Variants in MICAL2 observed in about 807,000 individuals in gnomAD.
The protein encoded by MICAL2 is microtubule associated monooxygenase, calponin and LIM domain containing 2, also known as [F-actin]-monooxygenase MICAL2.
In MICAL2, 77 loss-of-function variants were observed where a neutral mutation model predicts 127.3. The observed-to-expected ratio is 0.60, with a 90% CI of 0.50 to 0.73. MICAL2 has a LOEUF of 0.73. MICAL2 is among the 30% of genes least tolerant of loss of function. MICAL2 has a pLI of 0.00. For synonymous variants in MICAL2, 570 were observed against 551.1 expected (o/e 1.03, Z -0.48); for missense variants, 1,351 against 1,434.4 (o/e 0.94, Z 0.94).
chr11:12,331,165 T>G (rs1864423848), intron 32 of MICAL2, among the ~76,000 whole-genome samples: 1 of 152,148 alleles, frequency 6.6e-6, no homozygotes, highest in African/African-American at 2.4e-5. Context: ...TGTTACATAC[T>G]AGGGGCATGG....
chr11:12,239,656 A>G, intron 17 of MICAL2, 71 bp downstream of exon 17: 1 of 1,554,918 alleles, frequency 6.4e-7, no homozygotes, highest in Non-Finnish European at 8.7e-7. Context: ...CTGGCTGCTG[A>G]TAGACTTCAG....
intron 1 of MICAL2, among the ~76,000 whole-genome samples, chr11:12,129,636 C>CTTTTTTTTTTTTTTTTTTTTTTT (rs559528778): frequency 1.0e-5 from 1 of 97,464 alleles, no homozygotes. Context: ...TCTTCTTCTT[C>CTTTTTTTTTTTTTTTTTTTTTTT]TTTTTTTTTT....
At chr11:12,305,485 T>C (rs989084469) in intron 29 of MICAL2, among the ~76,000 whole-genome samples, 1 of 134,516 alleles carries the variant, frequency 7.4e-6, no homozygotes, top group Non-Finnish European at 1.6e-5. Flanking sequence ...AACCATATCA[T>C]TGTATTTACT....
intron 22 of MICAL2, among the ~76,000 whole-genome samples, chr11:12,249,665 T>A (rs1229782595): frequency 6.6e-6 from 1 of 152,182 alleles, no homozygotes; most frequent in Non-Finnish European, 1.5e-5. Context: ...AGCCCTCTCT[T>A]CTGAGGCCCT....
chr11:12,246,552 A>G (rs191220012), intron 21 of MICAL2, among the ~76,000 whole-genome samples: 1 of 152,350 alleles, frequency 6.6e-6, no homozygotes, highest in East Asian at 1.9e-4. Context: ...TTCTCCACCA[A>G]TGTCACTCCA....
At position 12,223,266 on chromosome 11, in the gene MICAL2, C is replaced by T. The variant is rs2134292470; in HGVS notation, c.1450-145C>T. On this transcript the variant is annotated intron_variant, in intron 11 of 27. Transcript: ENST00000683283. ...CCCATTGCTCTATGACTGAAGTTGC[C>T]TGCGTTCCCTTGCCGAAGGTCATGC... 3 of 652,936 alleles carry T rather than the reference C, an allele frequency of 4.6e-6. No homozygotes were observed. In the South Asian group the frequency reaches 5.7e-5, roughly 12 times the overall value. 40.4% of individuals were successfully genotyped at this position (652,936 alleles called of 1,614,324 possible). A position where few individuals can be genotyped will look rare whatever the true frequency, so the allele number is the denominator to read the frequency against.
At chr11:12,230,322 A>T (rs1858069427) in intron 15 of MICAL2, among the ~76,000 whole-genome samples, 1 of 152,166 alleles carries the variant, frequency 6.6e-6, no homozygotes, top group Non-Finnish European at 1.5e-5. Context: ...TGAAATCCAT[A>T]CACAATTACA....
At chr11:12,251,356 G>A (rs544553548) in intron 22 of MICAL2, among the ~76,000 whole-genome samples, 1 of 152,132 alleles carries the variant, frequency 6.6e-6, no homozygotes, top group South Asian at 2.1e-4. Flanking sequence ...GATAACCCTT[G>A]ATGCCCAGGG....
intron 26 of MICAL2, 70 bp from the exon 27 acceptor site, chr11:12,262,410 C>T: frequency 6.2e-7 from 1 of 1,605,236 alleles, no homozygotes. Context: ...TAATCATTTC[C>T]TTTTTTCCCC....
intron 32 of MICAL2, among the ~76,000 whole-genome samples, chr11:12,327,831 G>T (rs1467052960): frequency 6.7e-6 from 1 of 149,170 alleles, no homozygotes; most frequent in Non-Finnish European, 1.5e-5. Flanking sequence ...GCAATTCAAG[G>T]ATTAAGATAA....
intron 32 of MICAL2, among the ~76,000 whole-genome samples, chr11:12,344,472 CTAT>C (rs1555024327): frequency 0.059 from 8,332 of 141,252 alleles, 360 homozygotes; most frequent in African/African-American, 0.13. Flanking sequence ...ATTCTAGAAA[CTAT>C]TATTATTATT....
chr11:12,204,604 C>T (rs1854434146), intron 4 of MICAL2, 147 bp downstream of exon 4: 1 of 776,844 alleles, frequency 1.3e-6, no homozygotes, highest in Non-Finnish European at 2.0e-6. Context: ...TAGTAAAAGG[C>T]CTGCTTTGTG....
intron 2 of MICAL2, among the ~76,000 whole-genome samples, chr11:12,286,626 T>G (rs917108611): frequency 6.6e-6 from 1 of 152,132 alleles, no homozygotes; most frequent in Middle Eastern, 3.2e-3. Context: ...CCCAGCACTT[T>G]GGGAGGCCGA....
chr11:12,345,090 C>T (rs1464065118), intron 32 of MICAL2, among the ~76,000 whole-genome samples: 8 of 144,470 alleles, frequency 5.5e-5, no homozygotes, highest in Admixed American at 1.4e-4. Flanking sequence ...CCAGCCTGGG[C>T]GACAGAGCGA....
intron 2 of MICAL2, among the ~76,000 whole-genome samples, chr11:12,152,575 T>G (rs1853719022): frequency 6.6e-6 from 1 of 151,934 alleles, no homozygotes; most frequent in Non-Finnish European, 1.5e-5. Flanking sequence ...CCCTGGGGTG[T>G]TGAAGAATAT....
intron 8 of MICAL2, among the ~76,000 whole-genome samples, chr11:12,218,634 CA>C (rs2134246443): frequency 6.6e-6 from 1 of 152,258 alleles, no homozygotes; most frequent in East Asian, 1.9e-4. Context: ...ACCGCGGAAA[CA>C]GGGATCAGAA....
chr11:12,153,112 C>T (rs1853781820), intron 2 of MICAL2: 1 of 151,902 alleles, frequency 6.6e-6, no homozygotes, highest in Non-Finnish European at 1.5e-5. Flanking sequence ...CTTACAGCAG[C>T]CTCGACCTCC....
chr11:12,242,479 T>C, intron 19 of MICAL2, 47 bp downstream of exon 19: 1 of 1,558,266 alleles, frequency 6.4e-7, no homozygotes, highest in South Asian at 1.2e-5. Context: ...CTGGGTGACT[T>C]CCTTTCTTCC....
intron 18 of MICAL2, 32 bp downstream of exon 18, chr11:12,241,194 T>A (rs1265141143): frequency 1.2e-6 from 2 of 1,604,062 alleles, no homozygotes; most frequent in Non-Finnish European, 1.7e-6. Flanking sequence ...GCTGTTTTGG[T>A]GAAGCCAGAG....
Sources: allele counts gnomAD v4.1 joint callset (sites outside exome capture counted in the v4.1 genomes callset), GRCh38; gene constraint gnomAD v4.1.1; transcripts MANE v1.5; gene names NCBI Gene and HGNC (gene_info 2026-07-23, HGNC 2026-07-21).